Variants in IST1 observed in about 807,000 individuals in gnomAD.
The protein encoded by IST1 is IST1 factor associated with ESCRT-III, also known as IST1 homolog.
IST1 carries 23 observed loss-of-function variants against 37.0 expected under a neutral mutation model. The observed-to-expected ratio is 0.62, with a 90% confidence interval of 0.45 to 0.88. The LOEUF is 0.88. Ranked by LOEUF, IST1 falls within the 40% of genes least tolerant of loss-of-function variation. The pLI is 0.00. For synonymous variants in IST1, 180 were observed against 161.7 expected, an observed-to-expected ratio of 1.11 and a Z score of -0.86; for missense variants, 488 against 445.4, an observed-to-expected ratio of 1.10 and a Z score of -0.86.
intron 1 of IST1, among the ~76,000 whole-genome samples, chr16:71,901,318 A>G (rs1181291655): frequency 6.6e-6 from 1 of 151,928 alleles, no homozygotes; most frequent in African/African-American, 2.4e-5. Context: ...GGTTCACGCC[A>G]TTCTCCTGCC....
At chr16:71,902,567 G>T (rs2037132491) in intron 1 of IST1, among the ~76,000 whole-genome samples, 1 of 152,154 alleles carries the variant, frequency 6.6e-6, no homozygotes, top group Non-Finnish European at 1.5e-5. Flanking sequence ...ACCGCGCCCA[G>T]CCTAGATTCA....
chr16:71,923,562 A>G, intron 8 of IST1, 182 bp downstream of exon 8: 1 of 452,942 alleles, frequency 2.2e-6, no homozygotes, highest in East Asian at 4.0e-5. Flanking sequence ...TGGTGATGGC[A>G]GTATCATTGG....
At chr16:71,920,997 A>C in intron 5 of IST1, 175 bp downstream of exon 5, 1 of 656,558 alleles carries the variant, frequency 1.5e-6, no homozygotes, top group East Asian at 2.7e-5. Flanking sequence ...ACACCTGCCC[A>C]ATTCCTCTGG....
intron 1 of IST1, among the ~76,000 whole-genome samples, chr16:71,912,959 C>T (rs375490246): frequency 4.1e-4 from 62 of 152,232 alleles, no homozygotes; most frequent in East Asian, 4.0e-3. Context: ...CTGATTAGTA[C>T]TCTGTTGTAT....
chr16:71,909,845 A>G (rs2037312659), intron 1 of IST1, among the ~76,000 whole-genome samples: 2 of 152,344 alleles, frequency 1.3e-5, no homozygotes, highest in Admixed American at 6.5e-5. Flanking sequence ...ACTAAGGGCA[A>G]GATCTTTGTA....
At chr16:71,906,195 G>A (rs762761197) in intron 1 of IST1, among the ~76,000 whole-genome samples, 12 of 151,514 alleles carry the variant, frequency 7.9e-5, no homozygotes, top group Admixed American at 6.6e-4. Flanking sequence ...AGTAGAGACG[G>A]GGTTTCGCTG....
chr16:71,923,840 C>G (rs1014061005), intron 8 of IST1, among the ~76,000 whole-genome samples: 1 of 152,214 alleles, frequency 6.6e-6, no homozygotes, highest in African/African-American at 2.4e-5. Context: ...ATTGATTTCA[C>G]ATTTTAGTAT....
Position 71,916,584 on chromosome 16 carries a change from A to G in IST1, c.211A>G (p.Ile71Val). The G allele has an allele frequency of 6.2e-7, 1 of 1,614,022 alleles. No individual in the cohort carries two copies. ...AGACTACCTCGTGGAGGCCATGGAG[A>G]TCCTGGAGCTGTACTGTGACCTGCT... ...REDYLVEAME[I>V]LELYCDLLLA... Residue 71 changes from isoleucine (I) to valine (V), a missense_variant, in exon 3 of 10, where the codon ATC becomes GTC. By Grantham distance (29) the Ile-to-Val change is conservative. Coordinates refer to ENST00000378799, the MANE Select transcript of IST1 (RefSeq NM_001270975.2).
chr16:71,910,282 G>A (rs1229546298), intron 1 of IST1, among the ~76,000 whole-genome samples: 4 of 152,052 alleles, frequency 2.6e-5, no homozygotes, highest in Admixed American at 2.6e-4. Flanking sequence ...CTGCCCATTA[G>A]TCACTTAGCC....
chr16:71,927,736 G>C lies in IST1; in HGVS notation c.1024G>C (p.Ala342Pro), dbSNP rs1441086991. 1 of 1,613,686 alleles carries C rather than the reference G, an allele frequency of 6.2e-7. No individual in the cohort carries two copies. The highest frequency in any genetic ancestry group is 8.5e-7 in the Non-Finnish European group (1 of 1,179,708). The change falls in exon 10 of 10, where the codon GCC (alanine) becomes CCC (proline). Residue 342 changes from alanine (A) to proline (P), a missense_variant. Around this residue, in one of 2 missense-constraint regions of IST1, gnomAD observed 455 missense variants for 386.2 expected, o/e 1.18. Transcript: ENST00000378799. Reference protein sequence around the residue: ...PDTLPTASAGASTSASEDIDF... With the variant: ...PDTLPTASAGPSTSASEDIDF... ...CACACTACCAACTGCATCTGCTGGT[G>C]CCAGCACCTCAGCATCTGAAGACAT...
chr16:71,895,434 C>A, upstream of IST1: 4 of 805,266 alleles, frequency 5.0e-6, no homozygotes, highest in Non-Finnish European at 6.0e-6. Context: ...CCGGCAGCGG[C>A]GATCGCGCAG....
chr16:71,925,227 A>G (rs371659089), intron 9 of IST1, among the ~76,000 whole-genome samples: 2 of 150,630 alleles, frequency 1.3e-5, no homozygotes, highest in Non-Finnish European at 2.9e-5. Flanking sequence ...GTTAGCCAGG[A>G]TGGTCTCGAT....
intron 7 of IST1, 114 bp from the exon 8 acceptor site, chr16:71,923,174 T>A: frequency 1.8e-6 from 1 of 542,196 alleles, no homozygotes; most frequent in Non-Finnish European, 3.2e-6. Context: ...CTTGAATATT[T>A]ATATATATTT....
intron 1 of IST1, among the ~76,000 whole-genome samples, chr16:71,902,138 A>T (rs2037122574): frequency 6.6e-6 from 1 of 152,198 alleles, no homozygotes; most frequent in Non-Finnish European, 1.5e-5. Flanking sequence ...TTTTCACTTA[A>T]TTCTCATACC....
chr16:71,915,869 C>T (rs752949971), intron 2 of IST1, 141 bp downstream of exon 2: 16 of 564,914 alleles, frequency 2.8e-5, no homozygotes, highest in Admixed American at 2.2e-4. Context: ...CTCACTCTGT[C>T]GCCCAGGATG....
At chr16:71,901,236 C>T (rs976585592) in intron 1 of IST1, among the ~76,000 whole-genome samples, 1 of 151,258 alleles carries the variant, frequency 6.6e-6, no homozygotes, top group African/African-American at 2.4e-5. Context: ...TTTTTTGAGA[C>T]GGAATCTTGC....
intron 3 of IST1, 110 bp downstream of exon 3, chr16:71,916,752 C>A: frequency 1.1e-6 from 1 of 895,394 alleles, no homozygotes; most frequent in Admixed American, 2.8e-5. Flanking sequence ...GATCTGCTGC[C>A]TAACAGTTGC....
chr16:71,904,941 C>T (rs1268947506), intron 1 of IST1, among the ~76,000 whole-genome samples: 2 of 151,928 alleles, frequency 1.3e-5, no homozygotes, highest in Non-Finnish European at 2.9e-5. Context: ...TTTCTGTTCT[C>T]TCATTTTTGT....
chr16:71,903,484 C>G (rs563194991), intron 1 of IST1: 63 of 152,128 alleles, frequency 4.1e-4, no homozygotes, highest in African/African-American at 1.4e-3. Context: ...AAGAGATTTT[C>G]TGTTGATTTC....
Sources: gnomAD v4.1 joint callset for allele counts (sites outside exome capture counted in the v4.1 genomes callset) on GRCh38, gnomAD v4.1.1 for gene constraint, gnomAD v4.1.1 regional missense constraint, MANE v1.5 for transcripts, NCBI Gene and HGNC (gene_info 2026-07-23, HGNC 2026-07-21) for gene names.